Variants in KCNN2 observed in about 807,000 individuals in gnomAD.
KCNN2 encodes small conductance calcium-activated potassium channel protein 2.
In KCNN2, 24 loss-of-function variants were observed where a neutral mutation model predicts 55.5. The ratio of observed to expected loss-of-function variants is 0.43; its 90% CI spans 0.31 to 0.61. The LOEUF (loss-of-function observed/expected upper bound fraction) is 0.61. Ranked by LOEUF, KCNN2 falls within the 20% of genes least tolerant of loss-of-function variation. The probability of loss-of-function intolerance (pLI) is 0.08; values close to 1 mark genes in which losing one functional copy is unlikely to be tolerated. For synonymous variants in KCNN2, 431 were observed against 336.1 expected, an observed-to-expected ratio of 1.28 and a Z score of -3.09; for missense variants, 754 against 853.6, an observed-to-expected ratio of 0.88 and a Z score of 1.45.
At chr5:114,470,986 T>C (rs539602141) in intron 4 of KCNN2, among the ~76,000 whole-genome samples, 1 of 152,330 alleles carries the variant, frequency 6.6e-6, no homozygotes, top group South Asian at 2.1e-4. Context: ...ACTACCAATT[T>C]AAAAGTTATA....
chr5:114,159,063 G>T (rs1752705340), intron 1 of KCNN2, among the ~76,000 whole-genome samples: 1 of 152,078 alleles, frequency 6.6e-6, no homozygotes, highest in Non-Finnish European at 1.5e-5. Context: ...GGTGAGAGAG[G>T]GCATCCTGTC....
intron 1 of KCNN2, among the ~76,000 whole-genome samples, chr5:114,146,950 T>C (rs1752410682): frequency 6.6e-6 from 1 of 152,296 alleles, no homozygotes; most frequent in African/African-American, 2.4e-5. Flanking sequence ...AACAGATTAG[T>C]GTCAGCAATA....
chr5:114,426,272 T>C (rs1759621566), intron 3 of KCNN2, among the ~76,000 whole-genome samples: 1 of 152,246 alleles, frequency 6.6e-6, no homozygotes, highest in African/African-American at 2.4e-5. Flanking sequence ...CAAATACTTT[T>C]CTTGTGTCTA....
At chr5:114,102,476 A>G (rs972846336) in intron 1 of KCNN2, among the ~76,000 whole-genome samples, 2 of 152,050 alleles carry the variant, frequency 1.3e-5, no homozygotes, top group Non-Finnish European at 2.9e-5. Flanking sequence ...TTTTGTTGCC[A>G]TTGCTTTTGG....
chr5:114,264,724 C>T lies in KCNN2; in HGVS notation c.-185+43159C>T, dbSNP rs548533697. Among the ~76,000 whole-genome samples the T allele has an allele frequency of 2.2e-4, 34 of 152,294 alleles. 1 individual carries two copies. Among genetic ancestry groups the T allele is most frequent in the Admixed American group, 1.9e-3 (29 of 15,304 alleles). ...TGTAGGCCTGGAATTGAGACCTGAG[C>T]TAACTTGTTGCTGGTAGTCTCACCA... On this transcript the variant is annotated intron_variant, in intron 2 of 10. Transcript: ENST00000512097.
chr5:114,453,984 C>T (rs1333815644), intron 3 of KCNN2, among the ~76,000 whole-genome samples: 3 of 152,050 alleles, frequency 2.0e-5, no homozygotes, highest in African/African-American at 7.2e-5. Flanking sequence ...TCTCACCACA[C>T]CCCAGTAGGC....
At chr5:114,358,167 A>G (rs1250111773), upstream of KCNN2, among the ~76,000 whole-genome samples, 1 of 152,074 alleles carries the variant, frequency 6.6e-6, no homozygotes, top group Non-Finnish European at 1.5e-5. Flanking sequence ...ATCAGAGTGA[A>G]CAGGCAACCT....
intron 5 of KCNN2, among the ~76,000 whole-genome samples, chr5:114,474,592 A>T (rs975649649): frequency 1.3e-5 from 2 of 152,192 alleles, no homozygotes; most frequent in Admixed American, 1.3e-4. Flanking sequence ...AGAGATAAAA[A>T]TATGTGCATA....
upstream of KCNN2, among the ~76,000 whole-genome samples, chr5:114,357,133 G>A (rs890816280): frequency 6.6e-6 from 1 of 151,990 alleles, no homozygotes; most frequent in Non-Finnish European, 1.5e-5. Flanking sequence ...TGGTCTGATT[G>A]AATTTGGAAA....
chr5:114,272,428 C>CATATAATATACACACATATATGTAT (rs1561549162), intron 2 of KCNN2, among the ~76,000 whole-genome samples: 1 of 20,426 alleles, frequency 4.9e-5, no homozygotes, highest in African/African-American at 1.0e-4. Context: ...CACATATGTA[C>CATATAATATACACACATATATGTAT]GTACATATCA....
intron 2 of KCNN2, among the ~76,000 whole-genome samples, chr5:114,297,317 C>T (rs1373035341): frequency 6.6e-6 from 1 of 151,600 alleles, no homozygotes; most frequent in Non-Finnish European, 1.5e-5. Context: ...GTCTCTGTCT[C>T]TAAAATAGAG....
In KCNN2 at chr5:114,451,450, C is replaced by T. The variant is rs559783709; in HGVS notation, c.1638-11599C>T. Among the ~76,000 whole-genome samples the T allele has an allele frequency of 2.6e-5, 4 of 152,106 alleles. No individual in the cohort carries two copies. The South Asian group carries it at 8.3e-4, about 32-fold the overall frequency. On this transcript the variant is annotated intron_variant, in intron 3 of 7. Coordinates refer to ENST00000673685, the MANE Select transcript of KCNN2 (RefSeq NM_021614.4). ...CCCGCCAAACATACGCACACACACA[C>T]AGGGAGAGAGAAAAGGGGTTAGCTT...
Position 114,362,713 on chromosome 5 carries a change from G to T in KCNN2, c.574G>T (p.Ala192Ser), listed in dbSNP as rs1028278192. 1 of 1,500,946 alleles carries T rather than the reference G, an allele frequency of 6.7e-7. No homozygotes were observed. The highest frequency in any genetic ancestry group is 1.3e-5 in the South Asian group (1 of 74,730). The allele number at this position is 1,500,946 out of a possible 1,614,324, so 93.0% of individuals were successfully genotyped here. ...LSHHHHHPHP[A>S]HHQHHQPQAR... Reference sequence around the variant, plus strand: ...GCACCACCACCACCACCCGCACCCGGCGCACCACCAGCACCACCAGCCCCA... The same window carrying T: ...GCACCACCACCACCACCCGCACCCGTCGCACCACCAGCACCACCAGCCCCA... The change falls in exon 1 of 8, where the codon GCG becomes TCG. Residue 192 changes from alanine to serine, a missense_variant. By Grantham distance (99) the Ala-to-Ser change is moderately conservative (BLOSUM62 1). Around this residue, in one of 4 missense-constraint regions of KCNN2, gnomAD observed 381 missense variants for 259.1 expected, o/e 1.47. Transcript: ENST00000673685.
At chr5:114,128,415 C>T (rs945116229) in intron 1 of KCNN2, among the ~76,000 whole-genome samples, 1 of 152,132 alleles carries the variant, frequency 6.6e-6, no homozygotes, top group Non-Finnish European at 1.5e-5. Context: ...AACTCACTAT[C>T]GTGAGAACAG....
intron 5 of KCNN2, chr5:114,486,580 G>A (rs138762920): frequency 1.1e-5 from 4 of 376,532 alleles, no homozygotes; most frequent in Non-Finnish European, 2.0e-5. Flanking sequence ...AGTGCTGGAT[G>A]TACTTATACA....
intron 2 of KCNN2, among the ~76,000 whole-genome samples, chr5:114,238,786 C>T (rs992178661): frequency 6.6e-6 from 1 of 152,132 alleles, no homozygotes; most frequent in Non-Finnish European, 1.5e-5. Flanking sequence ...CAGTCTATCT[C>T]TTTTAACATA....
Position 114,147,698 on chromosome 5 carries a change from A to G in KCNN2, c.-270-73782A>G, listed in dbSNP as rs142984067. Among the ~76,000 whole-genome samples, 95 of 152,350 alleles carry G rather than the reference A, an allele frequency of 6.2e-4. No individual in the cohort carries two copies. The East Asian group carries it at 0.014, about 22-fold the overall frequency. On this transcript the variant is annotated intron_variant, in intron 1 of 10. Transcript: ENST00000512097. ...CCTGATAAAGTAGCAAATAGATGAG[A>G]TAATGCATAAGTAGGGATGCCTAGG...
chr5:114,310,029 C>T (rs1366280334), intron 2 of KCNN2, among the ~76,000 whole-genome samples: 1 of 152,192 alleles, frequency 6.6e-6, no homozygotes, highest in Non-Finnish European at 1.5e-5. Flanking sequence ...CCTAACCCTT[C>T]TTAAAACTTT....
At chr5:114,486,679 G>A in intron 5 of KCNN2, 1 of 1,203,072 alleles carries the variant, frequency 8.3e-7, no homozygotes, top group Non-Finnish European at 1.1e-6. Flanking sequence ...TGGCCTCATG[G>A]TATTTTGTCT....
Sources: gnomAD v4.1 joint callset for allele counts (sites outside exome capture counted in the v4.1 genomes callset) on GRCh38, gnomAD v4.1.1 for gene constraint, gnomAD v4.1.1 regional missense constraint, MANE v1.5 for transcripts, NCBI Gene and HGNC (gene_info 2026-07-23, HGNC 2026-07-21) for gene names.